The following THSD7B variants were observed in gnomAD, a reference collection of about 807,000 sequenced individuals.
The protein encoded by THSD7B is thrombospondin type-1 domain-containing protein 7B.
In THSD7B, 138 loss-of-function variants were observed where a neutral mutation model predicts 213.6. The observed-to-expected ratio is 0.65, with a 90% confidence interval of 0.56 to 0.74. The LOEUF (loss-of-function observed/expected upper bound fraction) is 0.74, where lower values mean the gene tolerates loss of function less well. THSD7B is among the 30% of genes least tolerant of loss of function. THSD7B has a pLI of 0.00. For missense variants in THSD7B, 1,931 were observed against 1,991.5 expected (o/e 0.97, Z 0.58); for synonymous variants, 742 against 687.0 (o/e 1.08, Z -1.25).
intron 15 of THSD7B, among the ~76,000 whole-genome samples, chr2:137,546,580 C>T (rs1429404001): frequency 7.6e-6 from 1 of 131,314 alleles, no homozygotes; most frequent in African/African-American, 2.9e-5. Context: ...CTTTCTTTTC[C>T]TTTTTCTTTT....
At chr2:137,088,927 C>G (rs1687893301) in intron 3 of THSD7B, among the ~76,000 whole-genome samples, 1 of 152,022 alleles carries the variant, frequency 6.6e-6, no homozygotes, top group Non-Finnish European at 1.5e-5. Flanking sequence ...TGGGATATCA[C>G]CTTACTCCTA....
In THSD7B at chr2:137,616,110, T is replaced by C. The variant is rs1022371176; in HGVS notation, c.3424-65T>C. 3 of 1,555,212 alleles carry C rather than the reference T, an allele frequency of 1.9e-6. No homozygotes were observed. In the African/African-American group the frequency reaches 4.1e-5, roughly 21 times the overall value. On this transcript the variant is annotated intron_variant, in intron 17 of 27. Transcript: ENST00000409968. ...TTACATATGTGCCTACTTATACCTG[T>C]ATATCTTATATAATTTATCAAATAA... is the stretch of plus-strand genomic sequence containing the variant.
intron 15 of THSD7B, among the ~76,000 whole-genome samples, chr2:137,462,555 C>T (rs1687905627): frequency 6.6e-6 from 1 of 152,008 alleles, no homozygotes; most frequent in African/African-American, 2.4e-5. Context: ...CTGATTCATC[C>T]TTTTAAAACA....
chr2:137,037,923 G>A (rs1233754453), intron 2 of THSD7B, among the ~76,000 whole-genome samples: 1 of 152,114 alleles, frequency 6.6e-6, no homozygotes, highest in Non-Finnish European at 1.5e-5. Context: ...TGTCACCTAT[G>A]AGAAGGATAA....
At chr2:137,290,316 C>A (rs1239562442) in intron 12 of THSD7B, among the ~76,000 whole-genome samples, 6 of 152,032 alleles carry the variant, frequency 3.9e-5, no homozygotes, top group Admixed American at 3.9e-4. Context: ...GTCTCGATCT[C>A]CTGACCTCGT....
chr2:136,970,370 G>A (rs1231916871), intron 2 of THSD7B, among the ~76,000 whole-genome samples: 1 of 152,110 alleles, frequency 6.6e-6, no homozygotes, highest in Non-Finnish European at 1.5e-5. Context: ...GGAGGTTGAG[G>A]CACAAGAATC....
intron 5 of THSD7B, among the ~76,000 whole-genome samples, chr2:137,152,217 C>G (rs75460458): frequency 0.11 from 17,249 of 152,144 alleles, 1,246 homozygotes; most frequent in Non-Finnish European, 0.16. Context: ...AAATACTCAT[C>G]TAGCTTCTTT....
At chr2:136,926,949 T>A (rs529921489) in intron 2 of THSD7B, among the ~76,000 whole-genome samples, 1 of 152,220 alleles carries the variant, frequency 6.6e-6, no homozygotes, top group African/African-American at 2.4e-5. Context: ...CTCCAATTTC[T>A]GAATTGGTTC....
chr2:136,865,822 A>G, intron 1 of THSD7B, among the ~76,000 whole-genome samples: 1 of 152,188 alleles, frequency 6.6e-6, no homozygotes, highest in East Asian at 1.9e-4. Context: ...TCTCTACTGT[A>G]TGTTTTTAAG....
chr2:136,880,588 C>T (rs1683602302), intron 1 of THSD7B, among the ~76,000 whole-genome samples: 1 of 152,066 alleles, frequency 6.6e-6, no homozygotes, highest in Non-Finnish European at 1.5e-5. Context: ...CTTCCTGTTT[C>T]CTGTTTTTGG....
At chr2:137,408,289 C>A (rs13021858) in intron 13 of THSD7B, among the ~76,000 whole-genome samples, 36 of 151,850 alleles carry the variant, frequency 2.4e-4, no homozygotes, top group Non-Finnish European at 2.6e-4. Context: ...CTTTTTTCTC[C>A]TCCTCCCTCT....
chr2:136,978,622 A>G (rs1248155295), intron 2 of THSD7B, among the ~76,000 whole-genome samples: 1 of 151,516 alleles, frequency 6.6e-6, no homozygotes, highest in African/African-American at 2.4e-5. Context: ...GCTTTTTTCT[A>G]CTTTCTGTTT....
At chr2:137,296,140 A>G (rs1345584569) in intron 12 of THSD7B, among the ~76,000 whole-genome samples, 1 of 152,158 alleles carries the variant, frequency 6.6e-6, no homozygotes, top group African/African-American at 2.4e-5. Context: ...CATATTCCAT[A>G]TTGCAAATTT....
chr2:137,357,285 G>A (rs988620442), intron 12 of THSD7B, among the ~76,000 whole-genome samples: 3 of 151,968 alleles, frequency 2.0e-5, no homozygotes, highest in Admixed American at 2.0e-4. Flanking sequence ...TTCCCTATTC[G>A]AAACAGCTAA....
intron 12 of THSD7B, among the ~76,000 whole-genome samples, chr2:137,395,410 A>G (rs1012651648): frequency 8.7e-5 from 13 of 149,852 alleles, no homozygotes; most frequent in East Asian, 7.8e-4. Flanking sequence ...TTCTGCATCT[A>G]TTGAGATAAT....
chr2:137,631,452 T>C (rs1319968045), intron 20 of THSD7B, among the ~76,000 whole-genome samples: 1 of 152,238 alleles, frequency 6.6e-6, no homozygotes, highest in Non-Finnish European at 1.5e-5. Context: ...TTTATAATAT[T>C]TTTATATCAT....
intron 15 of THSD7B, among the ~76,000 whole-genome samples, chr2:137,539,245 G>A (rs1201291985): frequency 6.6e-6 from 1 of 151,614 alleles, no homozygotes; most frequent in Non-Finnish European, 1.5e-5. Context: ...GCTAAGTGTA[G>A]CTAAAGTGAG....
chr2:137,322,144 C>T (rs1053733771), intron 12 of THSD7B, among the ~76,000 whole-genome samples: 4 of 152,196 alleles, frequency 2.6e-5, no homozygotes, highest in Non-Finnish European at 5.9e-5. Context: ...GTCATTTGCT[C>T]ATTCTAAAAC....
chr2:136,930,399 G>A (rs569050344), intron 2 of THSD7B, among the ~76,000 whole-genome samples: 50 of 152,278 alleles, frequency 3.3e-4, no homozygotes, highest in African/African-American at 1.1e-3. Context: ...TGGTTCATGC[G>A]AAGGAATAGT....
Sources: gnomAD v4.1 joint callset for allele counts (sites outside exome capture counted in the v4.1 genomes callset) on GRCh38, gnomAD v4.1.1 for gene constraint, MANE v1.5 for transcripts, NCBI Gene and HGNC (gene_info 2026-07-23, HGNC 2026-07-21) for gene names.